PTPRE: variants seen among roughly 807,000 people sequenced by gnomAD.
The protein encoded by PTPRE is protein tyrosine phosphatase receptor type E.
Under a neutral mutation model 102.0 loss-of-function variants are expected in PTPRE, and 51 were observed. The ratio of observed to expected loss-of-function variants is 0.50; its 90% confidence interval spans 0.40 to 0.63. The LOEUF (loss-of-function observed/expected upper bound fraction) is 0.63, where lower values mean the gene tolerates loss of function less well. Ranked by LOEUF, PTPRE falls within the 30% of genes least tolerant of loss-of-function variation. The pLI, the probability that PTPRE is intolerant of heterozygous loss-of-function variation, is 0.00. For missense variants in PTPRE, 752 were observed against 915.1 expected, an observed-to-expected ratio of 0.82 and a Z score of 2.30; for synonymous variants, 345 against 348.2, an observed-to-expected ratio of 0.99 and a Z score of 0.10.
At chr10:127,972,788 G>C (rs1428663351) in intron 1 of PTPRE, among the ~76,000 whole-genome samples, 1 of 152,232 alleles carries the variant, frequency 6.6e-6, no homozygotes, top group Non-Finnish European at 1.5e-5. Context: ...TTACAGGAGA[G>C]ACCAGTAGCC....
At chr10:128,072,002 G>A (rs1430641342) in intron 15 of PTPRE, 136 bp from the exon 16 acceptor site, 14 of 643,594 alleles carry the variant, frequency 2.2e-5, no homozygotes, top group East Asian at 1.1e-4. Flanking sequence ...CTCTCATAAC[G>A]TAAACTTTCC....
chr10:127,946,386 T>C (rs768446563), intron 1 of PTPRE, among the ~76,000 whole-genome samples: 9 of 148,192 alleles, frequency 6.1e-5, no homozygotes, highest in Non-Finnish European at 1.2e-4. Flanking sequence ...TAAGTAAGGA[T>C]ATATATACAA....
chr10:128,065,285 C>A (rs1306590272), intron 10 of PTPRE, among the ~76,000 whole-genome samples: 1 of 152,258 alleles, frequency 6.6e-6, no homozygotes, highest in African/African-American at 2.4e-5. Context: ...GATATACTCT[C>A]TGACTACTGG....
intron 2 of PTPRE, among the ~76,000 whole-genome samples, chr10:128,004,373 A>C (rs901307549): frequency 2.6e-5 from 4 of 152,054 alleles, no homozygotes; most frequent in African/African-American, 9.7e-5. Flanking sequence ...ACATATTTTC[A>C]TCATCCAAAA....
chr10:127,930,352 A>G (rs868007541), intron 1 of PTPRE, among the ~76,000 whole-genome samples: 24 of 152,248 alleles, frequency 1.6e-4, no homozygotes, highest in South Asian at 8.3e-4. Context: ...GCCTTTTCTG[A>G]AATGTAATAT....
chr10:127,987,460 T>C lies in PTPRE; in HGVS notation c.-8+5164T>C, dbSNP rs896300955. 1.7e-5 allele frequency: 13 copies of C among 782,526 alleles called. No homozygotes were observed. The African/African-American group carries it at 2.4e-4, about 14-fold the overall frequency. The allele number at this position is 782,526 out of a possible 1,614,324, so 48.5% of individuals were successfully genotyped here. On this transcript the variant is annotated intron_variant, in intron 2 of 20. Transcript: ENST00000254667. ...TTTTGTGTCATGGTTGCTTCTAATATAATTTCTAAAGTACCTAAAAATCAG... is the reference window on the plus strand; with the variant it reads ...TTTTGTGTCATGGTTGCTTCTAATACAATTTCTAAAGTACCTAAAAATCAG...
chr10:127,990,523 G>A (rs193127334), intron 2 of PTPRE, among the ~76,000 whole-genome samples: 51 of 152,226 alleles, frequency 3.4e-4, no homozygotes, highest in Non-Finnish European at 5.4e-4. Context: ...AAAGGGCTGG[G>A]TGAGAATTGT....
chr10:128,069,497 A>G, intron 12 of PTPRE, 195 bp from the exon 13 acceptor site: 2 of 652,108 alleles, frequency 3.1e-6, no homozygotes, highest in East Asian at 2.7e-5. Context: ...GTCGGTGGCT[A>G]TCAGAGGACC....
chr10:127,977,653 G>A (rs999861684), intron 1 of PTPRE, among the ~76,000 whole-genome samples: 6 of 152,226 alleles, frequency 3.9e-5, no homozygotes, highest in Non-Finnish European at 8.8e-5. Flanking sequence ...GATTCTAAAT[G>A]CTGTAGTTTT....
intron 2 of PTPRE, among the ~76,000 whole-genome samples, chr10:127,995,925 C>T (rs1442799870): frequency 6.6e-6 from 1 of 151,956 alleles, no homozygotes; most frequent in Non-Finnish European, 1.5e-5. Flanking sequence ...GGTGCATTAG[C>T]GTGAAATGGA....
intron 1 of PTPRE, among the ~76,000 whole-genome samples, chr10:127,915,311 C>G (rs1846130007): frequency 6.6e-6 from 1 of 151,946 alleles, no homozygotes; most frequent in Non-Finnish European, 1.5e-5. Flanking sequence ...ACTTTTTTTC[C>G]AGTATGGTTT....
intron 2 of PTPRE, among the ~76,000 whole-genome samples, chr10:128,038,449 C>A (rs1055643907): frequency 6.6e-6 from 1 of 152,134 alleles, no homozygotes; most frequent in African/African-American, 2.4e-5. Context: ...AAATGTGGCA[C>A]ATATACACCA....
chr10:127,947,711 C>T (rs974028407), intron 1 of PTPRE, among the ~76,000 whole-genome samples: 4 of 152,182 alleles, frequency 2.6e-5, no homozygotes, highest in African/African-American at 9.7e-5. Context: ...AGGGCATCAC[C>T]TGTCATGTTC....
rs1590221569 is a variant in PTPRE, at chr10:128,070,094, A to G, written c.1144-207A>G. The G allele has an allele frequency of 2.9e-6, 2 of 700,376 alleles. No individual in the cohort carries two copies. The highest frequency in any genetic ancestry group is 3.9e-5 in the South Asian group (2 of 51,874). 43.4% of individuals were successfully genotyped at this position (700,376 alleles called of 1,614,324 possible). A position where few individuals can be genotyped will look rare whatever the true frequency, so the allele number is the denominator to read the frequency against. On this transcript the variant is annotated intron_variant, in intron 13 of 20. Coordinates refer to ENST00000254667, the MANE Select transcript of PTPRE (RefSeq NM_006504.6). The surrounding 1 kb of genome is among the most constrained non-coding windows in gnomAD (Gnocchi z 4.8). ...TACACAGTGCGTGGCGTGCTCACCAATGTGAGGCTCTGCTGCTACCGTTCT... is the reference window on the plus strand; with the variant it reads ...TACACAGTGCGTGGCGTGCTCACCAGTGTGAGGCTCTGCTGCTACCGTTCT...
At chr10:127,999,881 A>G in intron 2 of PTPRE, 5 of 985,354 alleles carry the variant, frequency 5.1e-6, no homozygotes, top group Non-Finnish European at 6.0e-6. Context: ...TGTTCAAATT[A>G]TCAGCCCAGG....
chr10:128,031,542 G>C (rs1430870081), intron 2 of PTPRE, among the ~76,000 whole-genome samples: 1 of 152,224 alleles, frequency 6.6e-6, no homozygotes, highest in Non-Finnish European at 1.5e-5. Context: ...CAGTGGTTCT[G>C]TTTCCTATAT....
intron 7 of PTPRE, 83 bp downstream of exon 7, chr10:128,056,296 G>A (rs1848956217): frequency 8.7e-7 from 1 of 1,148,942 alleles, no homozygotes; most frequent in Admixed American, 1.8e-5. Context: ...GTGACTGCAG[G>A]CCATTCCTGG....
At position 127,907,481 on chromosome 10, in the gene PTPRE, C is replaced by A. The variant is rs1160770790; in HGVS notation, c.-31+172C>A. Among the ~76,000 whole-genome samples the A allele has an allele frequency of 4.6e-5, 7 of 151,630 alleles. No individual in the cohort carries two copies. Among genetic ancestry groups the A allele is most frequent in the African/African-American group, 1.7e-4 (7 of 41,302 alleles). ...GCCCCCGCGGCGCGCCCAGTACCAG[C>A]GGCTGGGGCCCGTACGACCCCCGAC... is the stretch of plus-strand genomic sequence containing the variant. On this transcript the variant is annotated intron_variant, in intron 1 of 20. Transcript: ENST00000254667. The surrounding 1 kb of genome is among the most constrained non-coding windows in gnomAD (Gnocchi z 4.8).
At chr10:128,011,497 C>T (rs1845008745) in intron 2 of PTPRE, among the ~76,000 whole-genome samples, 1 of 152,214 alleles carries the variant, frequency 6.6e-6, no homozygotes, top group Admixed American at 6.5e-5. Context: ...GTTCCTGTGG[C>T]TTACCCGACG....
Sources: gnomAD v4.1 joint callset for allele counts (sites outside exome capture counted in the v4.1 genomes callset) on GRCh38, gnomAD v4.1.1 for gene constraint, Gnocchi (gnomAD v3.1) non-coding constraint, MANE v1.5 for transcripts, NCBI Gene and HGNC (gene_info 2026-07-23, HGNC 2026-07-21) for gene names.